Variants in GALNTL6 observed in about 807,000 individuals in gnomAD.
GALNTL6 encodes polypeptide N-acetylgalactosaminyltransferase like 6.
A neutral mutation model predicts 73.7 loss-of-function variants in GALNTL6; 46 were observed. That is an observed-to-expected ratio of 0.62 (90% CI 0.49 to 0.80). The LOEUF (loss-of-function observed/expected upper bound fraction) is 0.80, where lower values mean the gene tolerates loss of function less well. Ranked by LOEUF, GALNTL6 falls within the 30% of genes least tolerant of loss-of-function variation. The pLI is 0.00. For synonymous variants in GALNTL6, 259 were observed against 263.7 expected, an observed-to-expected ratio of 0.98 and a Z score of 0.17; for missense variants, 604 against 755.0, an observed-to-expected ratio of 0.80 and a Z score of 2.34.
At chr4:172,711,193 A>G (rs2111325128) in intron 5 of GALNTL6, among the ~76,000 whole-genome samples, 1 of 152,314 alleles carries the variant, frequency 6.6e-6, no homozygotes, top group East Asian at 1.9e-4. Context: ...ACTTGGTCAA[A>G]GACCTAATTG....
At chr4:172,065,896 C>T (rs897181967) in intron 2 of GALNTL6, among the ~76,000 whole-genome samples, 6 of 152,138 alleles carry the variant, frequency 3.9e-5, no homozygotes, top group East Asian at 1.9e-4. Context: ...CACTCACTAT[C>T]GTGAGAACAG....
intron 5 of GALNTL6, among the ~76,000 whole-genome samples, chr4:172,503,583 A>G (rs1238412699): frequency 6.9e-6 from 1 of 144,168 alleles, no homozygotes; most frequent in Admixed American, 6.9e-5. Flanking sequence ...TTGTGGTTCT[A>G]GTTGGCACTT....
At chr4:172,963,853 A>G (rs1276934793) in intron 10 of GALNTL6, among the ~76,000 whole-genome samples, 1 of 152,272 alleles carries the variant, frequency 6.6e-6, no homozygotes, top group African/African-American at 2.4e-5. Context: ...GGGAAGAAGG[A>G]GAAACTCCAA....
chr4:172,253,784 A>G (rs550437558), intron 3 of GALNTL6, among the ~76,000 whole-genome samples: 5 of 152,102 alleles, frequency 3.3e-5, no homozygotes, highest in East Asian at 3.9e-4. Flanking sequence ...ATAGTTATCA[A>G]TGAAATACAT....
At chr4:172,929,631 A>G (rs1188701079) in intron 8 of GALNTL6, among the ~76,000 whole-genome samples, 3 of 152,156 alleles carry the variant, frequency 2.0e-5, no homozygotes, top group Admixed American at 6.5e-5. Context: ...GCCCATCGAC[A>G]TCATGGAAGG....
chr4:172,517,538 C>T (rs1187785940), intron 5 of GALNTL6, among the ~76,000 whole-genome samples: 1 of 152,112 alleles, frequency 6.6e-6, no homozygotes, highest in Non-Finnish European at 1.5e-5. Flanking sequence ...ATGATTTATT[C>T]TGCATCAGTG....
chr4:172,743,180 A>G (rs1292563700), intron 5 of GALNTL6, among the ~76,000 whole-genome samples: 1 of 152,078 alleles, frequency 6.6e-6, no homozygotes, highest in East Asian at 1.9e-4. Flanking sequence ...TCCATACAGC[A>G]TTCTTACATG....
chr4:172,003,084 C>T (rs1391903868), intron 2 of GALNTL6, among the ~76,000 whole-genome samples: 2 of 152,158 alleles, frequency 1.3e-5, no homozygotes, highest in East Asian at 3.9e-4. Context: ...CAAAGATCTC[C>T]TTCTTGCTTC....
intron 5 of GALNTL6, among the ~76,000 whole-genome samples, chr4:172,662,443 A>G (rs971728096): frequency 6.6e-6 from 1 of 152,192 alleles, no homozygotes; most frequent in African/African-American, 2.4e-5. Flanking sequence ...TTTAAGACTC[A>G]TTATAGTTTG....
intron 5 of GALNTL6, among the ~76,000 whole-genome samples, chr4:172,366,768 C>T (rs1578999339): frequency 1.3e-5 from 2 of 152,290 alleles, no homozygotes; most frequent in Admixed American, 1.3e-4. Flanking sequence ...TCTGGTTACA[C>T]TCAGATATCA....
At chr4:172,857,058 T>C (rs1225882347) in intron 7 of GALNTL6, among the ~76,000 whole-genome samples, 2 of 152,208 alleles carry the variant, frequency 1.3e-5, no homozygotes, top group African/African-American at 2.4e-5. Flanking sequence ...TTTCTGGAAA[T>C]TGCTGTCCAG....
intron 2 of GALNTL6, among the ~76,000 whole-genome samples, chr4:172,177,126 C>T (rs1000131732): frequency 6.6e-6 from 1 of 152,096 alleles, no homozygotes; most frequent in Non-Finnish European, 1.5e-5. Context: ...AAGTAGTCAG[C>T]ATATAGGAGG....
chr4:172,595,378 C>G (rs546451707), intron 5 of GALNTL6, among the ~76,000 whole-genome samples: 1 of 152,308 alleles, frequency 6.6e-6, no homozygotes, highest in East Asian at 1.9e-4. Flanking sequence ...CTTCTTCTAA[C>G]TCCAATCTCT....
intron 2 of GALNTL6, among the ~76,000 whole-genome samples, chr4:171,924,604 G>A (rs1198111939): frequency 1.3e-5 from 2 of 152,088 alleles, no homozygotes; most frequent in East Asian, 1.9e-4. Context: ...GGAAAAGCAC[G>A]ATCAGGTGCT....
chr4:172,572,574 T>A (rs775376007), intron 5 of GALNTL6, among the ~76,000 whole-genome samples: 15 of 152,124 alleles, frequency 9.9e-5, no homozygotes, highest in South Asian at 2.1e-4. Context: ...TGATAAAACC[T>A]TTCACATGTG....
intron 3 of GALNTL6, among the ~76,000 whole-genome samples, chr4:172,304,595 A>G (rs1456645737): frequency 6.6e-6 from 1 of 152,192 alleles, no homozygotes; most frequent in Non-Finnish European, 1.5e-5. Context: ...GAAGAAGTGT[A>G]AAAACACTGA....
intron 2 of GALNTL6, among the ~76,000 whole-genome samples, chr4:172,180,811 TCTGTTTTGGTACCAGTACCATG>T (rs1310082477): frequency 1.3e-5 from 2 of 152,144 alleles, no homozygotes; most frequent in Non-Finnish European, 2.9e-5. Flanking sequence ...GATCTATATA[TCTGTTTTGGTACCAGTACCATG>T]CTGTTTTGGT....
At chr4:172,072,244 T>C (rs980392447) in intron 2 of GALNTL6, among the ~76,000 whole-genome samples, 2 of 151,824 alleles carry the variant, frequency 1.3e-5, no homozygotes, top group Non-Finnish European at 2.9e-5. Flanking sequence ...TTATTGATTT[T>C]TTTTTTCTTT....
intron 5 of GALNTL6, among the ~76,000 whole-genome samples, chr4:172,714,417 T>G (rs139993306): frequency 8.7e-4 from 132 of 152,122 alleles, no homozygotes; most frequent in African/African-American, 3.1e-3. Context: ...CCTGCCTCAT[T>G]TACAAAATAA....
Sources: allele counts gnomAD v4.1 joint callset (sites outside exome capture counted in the v4.1 genomes callset), GRCh38; gene constraint gnomAD v4.1.1; transcripts MANE v1.5; gene names NCBI Gene and HGNC (gene_info 2026-07-23, HGNC 2026-07-21).